The following PCDHA4 variants were observed in gnomAD, a reference collection of about 807,000 sequenced individuals.
PCDHA4 encodes the protein protocadherin alpha 4.
In PCDHA4, 49 loss-of-function variants were observed where a neutral mutation model predicts 61.4. The observed-to-expected ratio is 0.80, with a 90% CI of 0.63 to 1.01. PCDHA4 has a LOEUF of 1.01. Among genes scored for constraint, PCDHA4 ranks in the 50% least tolerant of loss-of-function variants. The pLI is 0.00. For synonymous variants in PCDHA4, 590 were observed against 550.3 expected (o/e 1.07, Z -1.01); for missense variants, 1,254 against 1,235.8 (o/e 1.01, Z -0.22).
At chr5:140,869,463 C>T (rs1554163094) in intron 1 of PCDHA4, 1 of 1,614,148 alleles carries the variant, frequency 6.2e-7, no homozygotes, top group South Asian at 1.1e-5. Context: ...TCCATGTGAA[C>T]GTGGAGGTGA....
rs80062832 is a variant in PCDHA4 at position 140,889,250 on chromosome 5, C to T, written c.2385+79678C>T. ...AAAACTTCCAGAAAATTTTCTGTTT[C>T]CTGTAAAAGTTTGTATAATCTTTGA... On this transcript the variant is annotated intron_variant, in intron 1 of 3. Transcript: ENST00000530339. Among the ~76,000 whole-genome samples, 79 of 151,798 alleles carry T rather than the reference C, an allele frequency of 5.2e-4. No homozygotes were observed. In the East Asian group the frequency reaches 0.014, roughly 27 times the overall value.
chr5:140,823,595 C>T (rs2150127247), intron 1 of PCDHA4: 2 of 1,614,016 alleles, frequency 1.2e-6, no homozygotes, highest in Non-Finnish European at 1.7e-6. Context: ...GCTTGGCTTT[C>T]GTATGAGCTG....
rs2150329918 is a variant in PCDHA4, at chr5:140,842,127, C to G, written c.2385+32555C>G. 7.9e-5 allele frequency: 127 copies of G among 1,612,886 alleles called. 5 individuals carry two copies. The South Asian group carries it at 8.9e-4, about 11-fold the overall frequency. ...GTTATCAAACTGAATGCTTCTGATC[C>G]GGATGAAGGAGCCAATGGGGCAATT... On this transcript the variant is annotated intron_variant, in intron 1 of 3. Coordinates refer to ENST00000530339, the MANE Select transcript of PCDHA4 (RefSeq NM_018907.4).
chr5:140,952,512 C>T (rs1381568463), intron 1 of PCDHA4, among the ~76,000 whole-genome samples: 1 of 152,124 alleles, frequency 6.6e-6, no homozygotes, highest in Non-Finnish European at 1.5e-5. Flanking sequence ...TCCTCATCTC[C>T]ATCTGAGACC....
intron 1 of PCDHA4, among the ~76,000 whole-genome samples, chr5:140,893,065 A>G (rs2063802609): frequency 6.6e-6 from 1 of 152,226 alleles, no homozygotes; most frequent in South Asian, 2.1e-4. Context: ...TACTGCCATG[A>G]ATAACAGGAT....
chr5:140,915,373 C>T (rs1234241584), intron 1 of PCDHA4, among the ~76,000 whole-genome samples: 12 of 152,126 alleles, frequency 7.9e-5, no homozygotes, highest in African/African-American at 2.2e-4. Flanking sequence ...GTAAGTGTCT[C>T]GGCATTGAAG....
intron 1 of PCDHA4, chr5:140,882,591 T>C (rs781883775): frequency 1.2e-6 from 2 of 1,614,116 alleles, no homozygotes; most frequent in South Asian, 2.2e-5. Flanking sequence ...CACCTGGAGG[T>C]GATCGTGGAC....
chr5:140,877,027 G>T lies in PCDHA4; in HGVS notation c.2385+67455G>T, dbSNP rs376609696. 1.3e-4 allele frequency: 211 copies of T among 1,612,282 alleles called. No individual in the cohort carries two copies. Among genetic ancestry groups the T allele is most frequent in the Admixed American group, 2.7e-4 (16 of 60,002 alleles). On this transcript the variant is annotated intron_variant, in intron 1 of 3. Coordinates refer to ENST00000530339, the MANE Select transcript of PCDHA4 (RefSeq NM_018907.4). ...GCACGCGGAGAGCGGCAAGGTGTAC[G>T]CGCTGCAGCCGCTAGACCACGAGGA...
intron 1 of PCDHA4, among the ~76,000 whole-genome samples, chr5:140,936,053 C>T (rs576745037): frequency 1.2e-4 from 18 of 152,052 alleles, no homozygotes; most frequent in Middle Eastern, 3.4e-3. Flanking sequence ...CCACCACACC[C>T]GGCTAATTTT....
In PCDHA4 at chr5:140,823,505, GCGAGCTGGTGC is replaced by G. The variant is rs2150126511; in HGVS notation, c.2385+13938_2385+13948del. ...GTGGGTGGCACCGGCGGCGCAGTGA[GCGAGCTGGTGC>G]CGAGGTCAGTGGGTGCGGGCCACGT... On this transcript the variant is annotated intron_variant, in intron 1 of 3. Coordinates refer to ENST00000530339, the MANE Select transcript of PCDHA4 (RefSeq NM_018907.4). 4.3e-5 allele frequency: 70 copies of G among 1,613,446 alleles called. 2 individuals are homozygous for G. The Middle Eastern group carries it at 1.0e-3, about 23-fold the overall frequency.
chr5:140,848,630 G>A (rs143400939), intron 1 of PCDHA4: 3 of 1,593,262 alleles, frequency 1.9e-6, no homozygotes, highest in African/African-American at 2.7e-5. Context: ...GCACCTTCGT[G>A]GGCCGCATCG....
chr5:140,935,526 T>C (rs558710371), intron 1 of PCDHA4, among the ~76,000 whole-genome samples: 3 of 152,232 alleles, frequency 2.0e-5, no homozygotes, highest in Non-Finnish European at 4.4e-5. Flanking sequence ...GCATGTACAG[T>C]CAAATTATTG....
At chr5:140,828,665 A>T in intron 1 of PCDHA4, 1 of 1,614,220 alleles carries the variant, frequency 6.2e-7, no homozygotes, top group East Asian at 2.2e-5. Flanking sequence ...CAATAAACAA[A>T]TTGGGCTCTT....
rs2150123741 is a variant in PCDHA4 at position 140,823,226 on chromosome 5, A to G, written c.2385+13654A>G. On this transcript the variant is annotated intron_variant, in intron 1 of 3. Coordinates refer to ENST00000530339, the MANE Select transcript of PCDHA4 (RefSeq NM_018907.4). ...GTGTCTGCACGGGACGCGGACGCGC[A>G]GGAGAACGCCCTGGTGTCCTACTCG... is the stretch of plus-strand genomic sequence containing the variant. 3.1e-6 allele frequency: 5 copies of G among 1,613,692 alleles called. No homozygotes were observed. The South Asian group carries it at 5.5e-5, about 18-fold the overall frequency.
At chr5:140,823,924 T>A in intron 1 of PCDHA4, 1 of 1,613,970 alleles carries the variant, frequency 6.2e-7, no homozygotes, top group East Asian at 2.2e-5. Context: ...GCTGCTGCTG[T>A]ACACCGCGCT....
chr5:140,823,314 C>T lies in PCDHA4; in HGVS notation c.2385+13742C>T, dbSNP rs1767654133. The T allele has an allele frequency of 3.1e-6, 5 of 1,612,084 alleles. No individual in the cohort carries two copies. The African/African-American group carries it at 5.3e-5, about 17-fold the overall frequency. ...GTTACGTTTCGGTGCACGCGGAGAG[C>T]GGCAAGGTGTACGCGCTGCAGCCGC... On this transcript the variant is annotated intron_variant, in intron 1 of 3. Transcript: ENST00000530339.
At chr5:140,955,155 C>T (rs1241099289) in intron 1 of PCDHA4, among the ~76,000 whole-genome samples, 1 of 152,088 alleles carries the variant, frequency 6.6e-6, no homozygotes, top group Non-Finnish European at 1.5e-5. Context: ...GTACCAGTAC[C>T]GTGCTGTTTT....
chr5:140,911,687 G>A (rs1554194873), intron 1 of PCDHA4, among the ~76,000 whole-genome samples: 1 of 152,166 alleles, frequency 6.6e-6, no homozygotes, highest in Non-Finnish European at 1.5e-5. Context: ...CGTGCATCAG[G>A]AGTGTCAAAT....
intron 1 of PCDHA4, chr5:140,843,181 C>T (rs1463551741): frequency 1.3e-6 from 2 of 1,595,954 alleles, no homozygotes; most frequent in Non-Finnish European, 1.7e-6. Flanking sequence ...GCCCTCGCAT[C>T]CCGTTCCGCG....
Sources: gnomAD v4.1 joint callset for allele counts (sites outside exome capture counted in the v4.1 genomes callset) on GRCh38, gnomAD v4.1.1 for gene constraint, MANE v1.5 for transcripts, NCBI Gene and HGNC (gene_info 2026-07-23, HGNC 2026-07-21) for gene names.